The following PLAC8 variants were observed in gnomAD, a reference collection of about 807,000 sequenced individuals.
PLAC8 encodes placenta associated 8, also known as placenta-specific gene 8 protein.
In PLAC8, 6 loss-of-function variants were observed where a neutral mutation model predicts 12.6. That is an observed-to-expected ratio of 0.48 (90% CI 0.26 to 0.94). The LOEUF (loss-of-function observed/expected upper bound fraction) is 0.94, where lower values mean the gene tolerates loss of function less well. Ranked by LOEUF, PLAC8 falls within the 40% of genes least tolerant of loss-of-function variation. The pLI is 0.14. For missense variants in PLAC8, 122 were observed against 152.7 expected (o/e 0.80, Z 1.06); for synonymous variants, 54 against 52.6 (o/e 1.03, Z -0.11).
At chr4:83,106,818 G>A (rs1264111165) in intron 2 of PLAC8, among the ~76,000 whole-genome samples, 1 of 152,102 alleles carries the variant, frequency 6.6e-6, no homozygotes, top group Non-Finnish European at 1.5e-5. Flanking sequence ...CTTGCTCCTC[G>A]CTGCAACGCC....
At chr4:83,105,903 CCAGA>C (rs1442126358) in intron 2 of PLAC8, among the ~76,000 whole-genome samples, 1 of 152,152 alleles carries the variant, frequency 6.6e-6, no homozygotes, top group African/African-American at 2.4e-5. Context: ...AGTCGTCACC[CCAGA>C]CAATGAGAGT....
chr4:83,094,418 G>T, intron 4 of PLAC8: 1 of 300,886 alleles, frequency 3.3e-6, no homozygotes, highest in Non-Finnish European at 6.1e-6. Flanking sequence ...AGTGGTAAGT[G>T]CTTCCTTAAT....
intron 2 of PLAC8, among the ~76,000 whole-genome samples, chr4:83,107,210 C>CAAAA (rs1194021802): frequency 9.2e-6 from 1 of 108,420 alleles, no homozygotes; most frequent in Non-Finnish European, 2.0e-5. Context: ...CAAAAACAAA[C>CAAAA]AAAAAAAAAA....
intron 1 of PLAC8, among the ~76,000 whole-genome samples, chr4:83,113,270 A>G (rs1215487574): frequency 6.6e-6 from 1 of 152,104 alleles, no homozygotes; most frequent in Admixed American, 6.6e-5. Flanking sequence ...GAAAAACGGT[A>G]CACCTTCCTC....
chr4:83,096,006 G>T (rs1473040116), intron 3 of PLAC8, among the ~76,000 whole-genome samples: 1 of 152,162 alleles, frequency 6.6e-6, no homozygotes, highest in Non-Finnish European at 1.5e-5. Flanking sequence ...TTCAGGGAGG[G>T]TCAGAATCTT....
intron 3 of PLAC8, among the ~76,000 whole-genome samples, chr4:83,096,993 C>T (rs1231319865): frequency 6.6e-6 from 1 of 152,186 alleles, no homozygotes; most frequent in Non-Finnish European, 1.5e-5. Flanking sequence ...CGTCTTCTCC[C>T]GTAGTATTTC....
chr4:83,108,832 C>CT (rs1327680073), intron 1 of PLAC8, among the ~76,000 whole-genome samples: 8 of 152,286 alleles, frequency 5.3e-5, no homozygotes, highest in African/African-American at 1.9e-4. Flanking sequence ...TATATCCCCC[C>CT]TTCTTGTTCC....
At chr4:83,098,553 G>C (rs1328812092) in intron 3 of PLAC8, among the ~76,000 whole-genome samples, 3 of 152,150 alleles carry the variant, frequency 2.0e-5, no homozygotes, top group African/African-American at 4.8e-5. Flanking sequence ...ATGAAATTTG[G>C]TTTTCTCTTT....
At chr4:83,094,823 A>G (rs1731887101) in intron 3 of PLAC8, 32 bp from the exon 4 acceptor site, 2 of 1,310,852 alleles carry the variant, frequency 1.5e-6, no homozygotes, top group Non-Finnish European at 2.1e-6. Flanking sequence ...ATAAAAATAT[A>G]AAATTCACCT....
chr4:83,093,845 A>G (rs925658572), intron 4 of PLAC8: 1 of 152,188 alleles, frequency 6.6e-6, no homozygotes, highest in African/African-American at 2.4e-5. Flanking sequence ...ACATTGATAC[A>G]TTAGTTGCTA....
In PLAC8 at chr4:83,104,883, G is replaced by C; in HGVS notation, c.243+13C>G. 1 of 1,613,424 alleles carries C rather than the reference G, an allele frequency of 6.2e-7. No homozygotes were observed. The highest frequency in any genetic ancestry group is 1.1e-5 in the South Asian group (1 of 91,064). On this transcript the variant is annotated intron_variant, in intron 3 of 4. Coordinates refer to ENST00000311507, the MANE Select transcript of PLAC8 (RefSeq NM_016619.3). ...GTGCATATTTGAGTGAGATGGTATG[G>C]TAAGAGACTCACAGGGATGCCATAT...
chr4:83,090,631 C>T lies in PLAC8; in HGVS notation c.*350G>A, dbSNP rs1731788400. The T allele has an allele frequency of 6.7e-6, 1 of 149,758 alleles. No individual in the cohort carries two copies. The highest frequency in any genetic ancestry group is 1.5e-5 in the Non-Finnish European group (1 of 67,564). 9.3% of individuals were successfully genotyped at this position (149,758 alleles called of 1,614,324 possible). On this transcript the variant is annotated 3_prime_UTR_variant, in exon 5 of 5. Transcript: ENST00000311507. The stretch of plus-strand genomic sequence containing the variant: ...TAAGAACAAAATTATGAGACTGACC[C>T]TTGGAACTAACTAGTGAAAAAGACA...
At chr4:83,111,170 T>A (rs1457794147) in intron 1 of PLAC8, among the ~76,000 whole-genome samples, 1 of 152,210 alleles carries the variant, frequency 6.6e-6, no homozygotes, top group Non-Finnish European at 1.5e-5. Flanking sequence ...GGTCTCACTA[T>A]GTTGCCCAGG....
chr4:83,113,593 C>T (rs1246898683), intron 1 of PLAC8, among the ~76,000 whole-genome samples: 1 of 152,146 alleles, frequency 6.6e-6, no homozygotes, highest in Non-Finnish European at 1.5e-5. Context: ...CAGTTCTGCC[C>T]GTTGTGGTGT....
rs1287583575 is a variant in PLAC8 at position 83,107,857 on chromosome 4, T to TG, written c.64dup (p.Gln22ProfsTer11). ...CATGCCTGTCTGCCAGTTGGAGTTCTGGGGGGCCGGACCGGGACCGACTCC... is the reference window on the plus strand; with the variant it reads ...CATGCCTGTCTGCCAGTTGGAGTTCTGGGGGGGCCGGACCGGGACCGACTCC... On this transcript the variant is annotated frameshift_variant, in exon 2 of 5. Coordinates refer to ENST00000311507, the MANE Select transcript of PLAC8 (RefSeq NM_016619.3). LOFTEE classifies it high-confidence loss of function. 1 of 1,608,448 alleles carries TG rather than the reference T, an allele frequency of 6.2e-7. No homozygotes were observed. Among genetic ancestry groups the TG allele is most frequent in the East Asian group, 2.3e-5 (1 of 44,412 alleles).
chr4:83,111,211 T>C (rs1305468254), intron 1 of PLAC8, among the ~76,000 whole-genome samples: 3 of 152,206 alleles, frequency 2.0e-5, no homozygotes, highest in Non-Finnish European at 4.4e-5. Flanking sequence ...TCAAGTGATC[T>C]TCCTGCCTTG....
intron 4 of PLAC8, 169 bp downstream of exon 4, chr4:83,094,509 C>G (rs961593960): frequency 3.7e-6 from 2 of 541,200 alleles, no homozygotes; most frequent in South Asian, 2.5e-5. Flanking sequence ...ATAGAGCTAT[C>G]TTCTTCATAA....
At chr4:83,112,604 C>T (rs1049874250) in intron 1 of PLAC8, among the ~76,000 whole-genome samples, 19 of 152,184 alleles carry the variant, frequency 1.2e-4, no homozygotes, top group Non-Finnish European at 1.9e-4. Context: ...CCATCTGTCA[C>T]TTCTAGCTGA....
intron 3 of PLAC8, among the ~76,000 whole-genome samples, chr4:83,095,809 A>G (rs1731912172): frequency 6.6e-6 from 1 of 152,254 alleles, no homozygotes; most frequent in Non-Finnish European, 1.5e-5. Context: ...ATGATTTTAA[A>G]AACACTTCGT....
Sources: allele counts gnomAD v4.1 joint callset (sites outside exome capture counted in the v4.1 genomes callset), GRCh38; gene constraint gnomAD v4.1.1; transcripts MANE v1.5; gene names NCBI Gene and HGNC (gene_info 2026-07-23, HGNC 2026-07-21).